The following NAA10 variants were observed in gnomAD, a reference collection of about 807,000 sequenced individuals.
NAA10 encodes the protein N-alpha-acetyltransferase 10, NatA catalytic subunit, also known as N-alpha-acetyltransferase 10.
Under a neutral mutation model 19.2 loss-of-function variants are expected in NAA10, and 6 were observed. The observed-to-expected ratio is 0.31, with a 90% CI of 0.17 to 0.62. The LOEUF is 0.62. Ranked by LOEUF, NAA10 falls within the 20% of genes least tolerant of loss-of-function variation. The probability of loss-of-function intolerance (pLI) is 0.83; values close to 1 mark genes in which losing one functional copy is unlikely to be tolerated. For missense variants in NAA10, 101 were observed against 198.4 expected (o/e 0.51, Z 2.95); for synonymous variants, 97 against 79.9 (o/e 1.21, Z -1.14).
chrX:153,931,148 C>T, intron 6 of NAA10: 1 of 1,003,410 alleles, frequency 1.0e-6, no homozygotes, highest in South Asian at 2.3e-5. Flanking sequence ...CCCTCCCTGC[C>T]CTGCGCCCTG....
At chrX:153,932,205 T>C in intron 5 of NAA10, 90 bp from the exon 6 acceptor site, 1 of 1,166,529 alleles carries the variant, frequency 8.6e-7, no homozygotes, top group Non-Finnish European at 1.2e-6. Flanking sequence ...TGGTCCCTCC[T>C]TCCCCCCAAT....
chrX:153,930,331 C>T, intron 7 of NAA10, 108 bp from the exon 8 acceptor site: 1 of 741,696 alleles, frequency 1.3e-6, no homozygotes, highest in Middle Eastern at 3.2e-4. Context: ...CATAGTGAGG[C>T]AGCAGGGCTA....
rs928760932 is a variant in NAA10, at chrX:153,931,351, T to G, written c.387-504A>C. 4 of 844,172 alleles carry G rather than the reference T, an allele frequency of 4.7e-6. No homozygotes were observed. In the African/African-American group the frequency reaches 6.4e-5, roughly 14 times the overall value. The allele number at this position is 844,172 out of a possible 1,213,427, so 69.6% of individuals were successfully genotyped here. A position where few individuals can be genotyped will look rare whatever the true frequency, so the allele number is the denominator to read the frequency against. On this transcript the variant is annotated intron_variant, in intron 6 of 7. Transcript: ENST00000464845. Reference sequence around the variant, plus strand: ...GGCCTAAGACATGAGGATTGCTGACTTAGCTATAAAGCAATTCCCACCAGA... The same window carrying G: ...GGCCTAAGACATGAGGATTGCTGACGTAGCTATAAAGCAATTCCCACCAGA...
rs782041133 is a variant in NAA10, at chrX:153,934,487, G to C, written c.22-12C>G. The C allele has an allele frequency of 1.7e-6, 2 of 1,166,378 alleles. No individual in the cohort carries two copies. The highest frequency in any genetic ancestry group is 3.7e-5 in the South Asian group (2 of 53,826). On this transcript the variant is annotated splice_polypyrimidine_tract_variant and intron_variant, in intron 1 of 7. Transcript: ENST00000464845. The stretch of plus-strand genomic sequence containing the variant: ...ATTAGGTCCTCTGGCTGCAGGGAAG[G>C]AGGGCAGTGGAACGCGCTCAGTCTA...
At chrX:153,932,963 G>A (rs1431229826) in intron 3 of NAA10, 1 of 234,846 alleles carries the variant, frequency 4.3e-6, no homozygotes. Flanking sequence ...AGACATGAGA[G>A]GATCACTTGA....
intron 6 of NAA10, chrX:153,931,415 C>T: frequency 1.2e-6 from 1 of 822,759 alleles, no homozygotes; most frequent in African/African-American, 2.2e-5. Flanking sequence ...TGCCAGCATC[C>T]AGCCCAGAGG....
Position 153,930,001 on chromosome X carries a change from C to T in NAA10, c.694G>A (p.Asp232Asn). ...TGGGGCAGGCTCTAGGAGGCTGAGT[C>T]GGAGGCCTCTGAGCTGTCCTTGACA... ...TDVKDSSEAS[D>N]SAS is the part of the protein sequence containing the mutation. Residue 232 changes from aspartate to asparagine, a missense_variant, in exon 8 of 8, where the codon GAC becomes AAC. Transcript: ENST00000464845. The T allele has an allele frequency of 4.1e-6, 5 of 1,209,329 alleles. No individual in the cohort carries two copies. The highest frequency in any genetic ancestry group is 5.6e-6 in the Non-Finnish European group (5 of 893,854).
chrX:153,931,747 A>C, intron 6 of NAA10: 1 of 1,002,981 alleles, frequency 1.0e-6, no homozygotes. Context: ...GCATCTGCTC[A>C]CGCCAGGGAC....
rs2065162689 is a variant in NAA10, at chrX:153,930,867, G to C, written c.387-20C>G. The C allele has an allele frequency of 1.7e-6, 2 of 1,210,029 alleles. No homozygotes were observed. Among genetic ancestry groups the C allele is most frequent in the African/African-American group, 3.5e-5 (2 of 57,141 alleles). The stretch of plus-strand genomic sequence containing the variant: ...CTGATCCTGGGGGCAGAGGGTTAGA[G>C]AGCAAGGAGGAAGACCTGTATCCCG... On this transcript the variant is annotated intron_variant, in intron 6 of 7. Transcript: ENST00000464845.
At position 153,932,593 on chromosome X, in the gene NAA10, G is replaced by A; in HGVS notation, c.180-9C>T. 8.3e-7 allele frequency: 1 copy of A among 1,200,915 alleles called. No homozygotes were observed. ...CATCTGGGTCCTCTTCCCTGGAGAG[G>A]GAGAAAGGAGAGGCTGCAAAGGAGC... On this transcript the variant is annotated splice_polypyrimidine_tract_variant and intron_variant, in intron 3 of 7. Coordinates refer to ENST00000464845, the MANE Select transcript of NAA10 (RefSeq NM_003491.4).
At chrX:153,930,363 T>A in intron 7 of NAA10, 140 bp from the exon 8 acceptor site, 1 of 562,912 alleles carries the variant, frequency 1.8e-6, no homozygotes, top group Non-Finnish European at 3.1e-6. Context: ...CGGGACTGAG[T>A]GGGGACACCT....
At chrX:153,930,551 C>G (rs12832919) in intron 7 of NAA10, 1 of 465,945 alleles carries the variant, frequency 2.1e-6, no homozygotes, top group Admixed American at 3.5e-5. Context: ...CACTTCCCTT[C>G]TAAAAGCCTC....
Position 153,933,963 on chromosome X carries a change from C to A in NAA10, c.159G>T (p.Val53=). The A allele has an allele frequency of 8.3e-7, 1 of 1,211,319 alleles. No homozygotes were observed. The highest frequency in any genetic ancestry group is 1.8e-5 in the South Asian group (1 of 56,973). The change falls in exon 3 of 8, where the codon GTG becomes GTT. Residue 53 remains valine (V), a synonymous_variant. Coordinates refer to ENST00000464845, the MANE Select transcript of NAA10 (RefSeq NM_003491.4). ...CTCACATTTTGGCCAGGACATACCC[C>A]ACAATCTTCCCATTCTCGTCCTCAG... ...YIAEDENGKI[V]GYVLAKMEED...
chrX:153,931,035 C>T (rs1262788246), intron 6 of NAA10, 188 bp from the exon 7 acceptor site: 12 of 1,149,093 alleles, frequency 1.0e-5, no homozygotes, highest in African/African-American at 3.6e-5. Flanking sequence ...CACAGCGGCC[C>T]GCCCCACCCG....
intron 7 of NAA10, 129 bp from the exon 8 acceptor site, chrX:153,930,352 G>A (rs782351623): frequency 5.4e-4 from 332 of 611,352 alleles, no homozygotes; most frequent in Non-Finnish European, 7.7e-4. Context: ...GGCAGGACAC[G>A]CGGGACTGAG....
At chrX:153,933,868 T>C (rs971939850) in intron 3 of NAA10, 75 bp downstream of exon 3, 86 of 879,810 alleles carry the variant, frequency 9.8e-5, no homozygotes, top group East Asian at 9.4e-5. Context: ...AGAAGAAGCC[T>C]ATTCATTTTT....
intron 6 of NAA10, chrX:153,931,447 C>G (rs1365563647): frequency 2.5e-6 from 2 of 810,245 alleles, no homozygotes; most frequent in Admixed American, 6.8e-5. Context: ...CCCAACAGTC[C>G]CTCTTCTTCA....
chrX:153,933,959 A>AC lies in NAA10; in HGVS notation c.162dup (p.Tyr55ValfsTer12). 8.3e-7 allele frequency: 1 copy of AC among 1,210,962 alleles called. No individual in the cohort carries two copies. The highest frequency in any genetic ancestry group is 1.7e-5 in the African/African-American group (1 of 57,667). Reference sequence around the variant, plus strand: ...GTGACTCACATTTTGGCCAGGACATACCCCACAATCTTCCCATTCTCGTCC... The same window carrying AC: ...GTGACTCACATTTTGGCCAGGACATACCCCCACAATCTTCCCATTCTCGTCC... On this transcript the variant is annotated frameshift_variant, in exon 3 of 8. Transcript: ENST00000464845. LOFTEE classifies it high-confidence loss of function.
intron 2 of NAA10, 41 bp downstream of exon 2, chrX:153,934,336 C>T (rs910514762): frequency 9.3e-7 from 1 of 1,077,619 alleles, no homozygotes; most frequent in Non-Finnish European, 1.3e-6. Flanking sequence ...GGATTTTCCT[C>T]GGCCTGCTTT....
Sources: allele counts gnomAD v4.1 joint callset, GRCh38; gene constraint gnomAD v4.1.1; transcripts MANE v1.5; gene names NCBI Gene and HGNC (gene_info 2026-07-23, HGNC 2026-07-21).